HDAC9: variants seen among roughly 807,000 people sequenced by gnomAD.
HDAC9 encodes the protein MEF-2 interacting transcription repressor (MITR) protein.
Under a neutral mutation model 139.4 loss-of-function variants are expected in HDAC9, and 41 were observed. The ratio of observed to expected loss-of-function variants is 0.29; its 90% confidence interval spans 0.23 to 0.38. The LOEUF is 0.38. Among genes scored for constraint, HDAC9 ranks in the 10% least tolerant of loss-of-function variants. The pLI is 1.00. For missense variants in HDAC9, 1,147 were observed against 1,297.0 expected, an observed-to-expected ratio of 0.88 and a Z score of 1.78; for synonymous variants, 517 against 476.2, an observed-to-expected ratio of 1.09 and a Z score of -1.12.
At chr7:18,645,181 G>T (rs1786983201) in intron 9 of HDAC9, among the ~76,000 whole-genome samples, 1 of 152,118 alleles carries the variant, frequency 6.6e-6, no homozygotes, top group Admixed American at 6.6e-5. Context: ...GCCAGTAAGT[G>T]GCAGACCTGG....
At chr7:18,293,905 CAAT>C (rs1481919689) in intron 1 of HDAC9, among the ~76,000 whole-genome samples, 7 of 152,030 alleles carry the variant, frequency 4.6e-5, no homozygotes, top group Admixed American at 4.6e-4. Context: ...TTTTAAAAAT[CAAT>C]AAACATTAGT....
At chr7:18,268,110 T>C (rs999164188) in intron 2 of HDAC9, among the ~76,000 whole-genome samples, 1 of 152,156 alleles carries the variant, frequency 6.6e-6, no homozygotes, top group Non-Finnish European at 1.5e-5. Context: ...TCATTACAGC[T>C]CACTTATTTA....
At chr7:18,287,774 C>G (rs932362492), upstream of HDAC9, among the ~76,000 whole-genome samples, 1 of 152,210 alleles carries the variant, frequency 6.6e-6, no homozygotes, top group Non-Finnish European at 1.5e-5. Context: ...TTCAATGAGG[C>G]TGTACTGGCC....
rs367986713 is a variant in HDAC9, at chr7:18,727,566, T to A, written c.1732-14T>A. On this transcript the variant is annotated splice_polypyrimidine_tract_variant and intron_variant, in intron 12 of 25. Transcript: ENST00000686413. ...CTCACATTTCTTTCTACTGTGCTCTTTTCTTGGCAACAGCCTTTCCTGGAA... is the reference window on the plus strand; with the variant it reads ...CTCACATTTCTTTCTACTGTGCTCTATTCTTGGCAACAGCCTTTCCTGGAA... 4 of 1,580,592 alleles carry A rather than the reference T, an allele frequency of 2.5e-6. No individual in the cohort carries two copies. In the African/African-American group the frequency reaches 5.4e-5, roughly 21 times the overall value.
chr7:18,153,074 T>G (rs1786902524), intron 1 of HDAC9, among the ~76,000 whole-genome samples: 2 of 151,934 alleles, frequency 1.3e-5, no homozygotes, highest in South Asian at 4.1e-4. Flanking sequence ...GAGATAAAGA[T>G]GGGAGATGAG....
At chr7:18,484,796 TAAACTATGATTATG>T (rs1795846508) in intron 1 of HDAC9, among the ~76,000 whole-genome samples, 1 of 151,126 alleles carries the variant, frequency 6.6e-6, no homozygotes, top group Non-Finnish European at 1.5e-5. Context: ...GAGGCTTTAG[TAAACTATGATTATG>T]CTATTGCATG....
chr7:18,979,714 G>C (rs958201414), intron 25 of HDAC9, among the ~76,000 whole-genome samples: 2 of 152,128 alleles, frequency 1.3e-5, no homozygotes, highest in African/African-American at 4.8e-5. Flanking sequence ...ATGGAGGAAG[G>C]TGATTGGGGA....
At position 18,458,706 on chromosome 7, in the gene HDAC9, G is replaced by A. The variant is rs972456686; in HGVS notation, c.-41-37556G>A. 7.4e-6 allele frequency: 4 copies of A among 537,646 alleles called. No homozygotes were observed. The East Asian group carries it at 1.2e-4, about 16-fold the overall frequency. The allele number at this position is 537,646 out of a possible 1,614,324, so 33.3% of individuals were successfully genotyped here. A position where few individuals can be genotyped will look rare whatever the true frequency, so the allele number is the denominator to read the frequency against. On this transcript the variant is annotated intron_variant, in intron 1 of 3. Coordinates refer to the HDAC9 transcript ENST00000413509. ...TTGTGGCTTAACTAGGCAAAACTTC[G>A]ATTAATAAATGATAAGCTGTAGACC...
At chr7:18,247,351 A>G (rs541290218) in intron 2 of HDAC9, among the ~76,000 whole-genome samples, 51 of 152,222 alleles carry the variant, frequency 3.4e-4, no homozygotes, top group South Asian at 1.7e-3. Context: ...GAAAAAAACT[A>G]TAAAAGAAAG....
At chr7:18,677,786 C>G (rs1368718696) in intron 12 of HDAC9, among the ~76,000 whole-genome samples, 1 of 151,854 alleles carries the variant, frequency 6.6e-6, no homozygotes, top group Admixed American at 6.6e-5. Context: ...CAAATAATTT[C>G]ACCTACTTTG....
rs551561576 is a variant in HDAC9, at chr7:18,732,603, G to A, written c.1909+4846G>A. Among the ~76,000 whole-genome samples, 22 of 142,928 alleles carry A rather than the reference G, an allele frequency of 1.5e-4. No individual in the cohort carries two copies. In the East Asian group the frequency reaches 3.7e-3, roughly 24 times the overall value. 93.8% of individuals were successfully genotyped at this position (142,928 alleles called of 152,430 possible). A position where few individuals can be genotyped will look rare whatever the true frequency, so the allele number is the denominator to read the frequency against. On this transcript the variant is annotated intron_variant, in intron 13 of 25. Transcript: ENST00000686413. ...TGTATATACACACACGTGTATATGTGTGCATATGTGTATATACACACACGT... is the reference window on the plus strand; with the variant it reads ...TGTATATACACACACGTGTATATGTATGCATATGTGTATATACACACACGT...
chr7:18,474,406 C>T (rs536172345), intron 1 of HDAC9, among the ~76,000 whole-genome samples: 3 of 152,086 alleles, frequency 2.0e-5, no homozygotes, highest in South Asian at 2.1e-4. Flanking sequence ...TTTTCCTGCT[C>T]GACTCTAGCC....
At chr7:18,288,273 T>C (rs12216648), upstream of HDAC9, among the ~76,000 whole-genome samples, 4,489 of 152,338 alleles carry the variant, frequency 0.029, 101 homozygotes, top group South Asian at 0.059. Flanking sequence ...TCAGATCTTA[T>C]GAGAGAATAT....
At chr7:18,094,818 C>G (rs1782395838) in intron 1 of HDAC9, among the ~76,000 whole-genome samples, 1 of 151,996 alleles carries the variant, frequency 6.6e-6, no homozygotes, top group South Asian at 2.1e-4. Flanking sequence ...GGATTTCAAT[C>G]CTAAACTTGG....
chr7:18,946,073 A>AAAAAAAAAC (rs1782381870), intron 23 of HDAC9, among the ~76,000 whole-genome samples: 1 of 125,116 alleles, frequency 8.0e-6, no homozygotes, highest in Admixed American at 8.5e-5. Context: ...AAAAAAAAAA[A>AAAAAAAAAC]AGACCATCCA....
intron 1 of HDAC9, among the ~76,000 whole-genome samples, chr7:18,469,484 A>T (rs1323921059): frequency 2.6e-5 from 4 of 152,162 alleles, no homozygotes; most frequent in Non-Finnish European, 5.9e-5. Flanking sequence ...CGAGAAAAAA[A>T]AGCACATTTT....
At chr7:18,905,039 C>T (rs571948476) in intron 22 of HDAC9, among the ~76,000 whole-genome samples, 19 of 152,094 alleles carry the variant, frequency 1.2e-4, no homozygotes, top group African/African-American at 2.7e-4. Flanking sequence ...GCTGGGCCTA[C>T]GGTCATGAGC....
chr7:18,854,719 T>A (rs1487673615), intron 21 of HDAC9, among the ~76,000 whole-genome samples: 1 of 151,600 alleles, frequency 6.6e-6, no homozygotes, highest in African/African-American at 2.4e-5. Flanking sequence ...GAGTAAATAA[T>A]CAAATTGGGG....
chr7:18,614,762 AAT>A (rs1209599517), intron 6 of HDAC9, among the ~76,000 whole-genome samples: 1 of 152,186 alleles, frequency 6.6e-6, no homozygotes, highest in Non-Finnish European at 1.5e-5. Flanking sequence ...TGGTTAGAAA[AAT>A]AGTGTTCTTC....
Sources: gnomAD v4.1 joint callset for allele counts (sites outside exome capture counted in the v4.1 genomes callset) on GRCh38, gnomAD v4.1.1 for gene constraint, MANE v1.5 for transcripts, NCBI Gene and HGNC (gene_info 2026-07-23, HGNC 2026-07-21) for gene names.